Variants in SLC33A1 observed in about 807,000 individuals in gnomAD.
SLC33A1 encodes the protein solute carrier family 33 member 1, also known as acetyl-coenzyme A transporter 1.
In SLC33A1, 20 loss-of-function variants were observed where a neutral mutation model predicts 50.0. That is an observed-to-expected ratio of 0.40 (90% CI 0.28 to 0.58). SLC33A1 has a LOEUF of 0.58. SLC33A1 is among the 20% of genes least tolerant of loss of function. The probability of loss-of-function intolerance (pLI) is 0.44; values close to 1 mark genes in which losing one functional copy is unlikely to be tolerated. For synonymous variants in SLC33A1, 265 were observed against 251.8 expected (o/e 1.05, Z -0.50); for missense variants, 476 against 657.0 (o/e 0.72, Z 3.01).
intron 2 of SLC33A1, among the ~76,000 whole-genome samples, chr3:155,837,186 C>A (rs943633393): frequency 1.3e-5 from 2 of 151,688 alleles, no homozygotes; most frequent in Non-Finnish European, 2.9e-5. Context: ...GAAACCCCGT[C>A]TCTACTAAAA....
At position 155,853,335 on chromosome 3, in the gene SLC33A1, T is replaced by C. The variant is rs1753487381; in HGVS notation, c.663A>G (p.Gln221=). 1 of 1,613,996 alleles carries C rather than the reference T, an allele frequency of 6.2e-7. No individual in the cohort carries two copies. The highest frequency in any genetic ancestry group is 1.1e-5 in the South Asian group (1 of 91,094). ...CATTGCCCAAAAAGTAACCCGCTGT[T>C]TGGCCCACCGAATTGCAAGTAGAAG... ...GYASTCNSVG[Q]TAGYFLGNVL... Residue 221 remains glutamine, a synonymous_variant, in exon 1 of 6, where the codon CAA becomes CAG. Transcript: ENST00000643144.
At chr3:155,841,963 G>GTCTTGAAC (rs1752954858) in intron 2 of SLC33A1, among the ~76,000 whole-genome samples, 1 of 152,002 alleles carries the variant, frequency 6.6e-6, no homozygotes, top group African/African-American at 2.4e-5. Context: ...AGCCAGGCTG[G>GTCTTGAAC]TCTTGAACTC....
chr3:155,836,314 G>A lies in SLC33A1; in HGVS notation c.964-2273C>T, dbSNP rs1476628230. Among the ~76,000 whole-genome samples the A allele has an allele frequency of 9.2e-3, 546 of 59,488 alleles. 2 individuals carry two copies. Among genetic ancestry groups the A allele is most frequent in the African/African-American group, 0.024 (346 of 14,370 alleles). 39.0% of individuals were successfully genotyped at this position (59,488 alleles called of 152,430 possible). A position where few individuals can be genotyped will look rare whatever the true frequency, so the allele number is the denominator to read the frequency against. ...AAAAAAAAAAAAAAAAAAAAAAAAA[G>A]GAAAGAAAGAAAAAAAGAAAGAAAG... On this transcript the variant is annotated intron_variant, in intron 2 of 5. Coordinates refer to ENST00000643144, the MANE Select transcript of SLC33A1 (RefSeq NM_004733.4).
chr3:155,843,122 G>A (rs551068632), intron 1 of SLC33A1: 1 of 152,204 alleles, frequency 6.6e-6, no homozygotes, highest in East Asian at 1.9e-4. Flanking sequence ...ACCCAAAATA[G>A]GTGACAACAA....
At chr3:155,852,985 TTG>T in intron 1 of SLC33A1, 1 of 565,132 alleles carries the variant, frequency 1.8e-6, no homozygotes, top group South Asian at 2.1e-5. Flanking sequence ...CTGGACTCGG[TTG>T]TGTTATTTGA....
Position 155,854,094 on chromosome 3 carries a change from T to C in SLC33A1, c.-97A>G. On this transcript the variant is annotated 5_prime_UTR_variant, in exon 1 of 6. Coordinates refer to ENST00000643144, the MANE Select transcript of SLC33A1 (RefSeq NM_004733.4). ...CCAAGGCTGTCGCGCTGGACCAGGG[T>C]TTCGGTGGTTCACGGGATGGTGGCA... The C allele has an allele frequency of 1.0e-6, 1 of 997,936 alleles. No individual in the cohort carries two copies. The highest frequency in any genetic ancestry group is 1.4e-6 in the Non-Finnish European group (1 of 694,002). 61.8% of individuals were successfully genotyped at this position (997,936 alleles called of 1,614,324 possible). A position where few individuals can be genotyped will look rare whatever the true frequency, so the allele number is the denominator to read the frequency against.
At chr3:155,840,895 G>A (rs972395885) in intron 2 of SLC33A1, among the ~76,000 whole-genome samples, 2 of 152,114 alleles carry the variant, frequency 1.3e-5, no homozygotes, top group African/African-American at 4.8e-5. Context: ...TGAGGCAGGA[G>A]AATCGCTTGA....
chr3:155,836,906 A>G (rs969147886), intron 2 of SLC33A1, among the ~76,000 whole-genome samples: 20 of 152,144 alleles, frequency 1.3e-4, no homozygotes, highest in African/African-American at 4.8e-4. Context: ...AAATCTAAAC[A>G]GAAACAACAA....
intron 1 of SLC33A1, among the ~76,000 whole-genome samples, chr3:155,852,402 C>T (rs368913434): frequency 1.7e-4 from 26 of 152,172 alleles, no homozygotes; most frequent in African/African-American, 6.3e-4. Context: ...ACTTACCCTC[C>T]ATTACTTACA....
chr3:155,843,856 A>G (rs1753019771), intron 1 of SLC33A1, among the ~76,000 whole-genome samples: 1 of 152,242 alleles, frequency 6.6e-6, no homozygotes, highest in Admixed American at 6.5e-5. Flanking sequence ...ATTGCATTTC[A>G]GTTTGCCACT....
chr3:155,848,701 G>A (rs1753278711), intron 1 of SLC33A1, among the ~76,000 whole-genome samples: 1 of 151,982 alleles, frequency 6.6e-6, no homozygotes, highest in African/African-American at 2.4e-5. Flanking sequence ...AAAAAAAGAA[G>A]ATCTAGCAAT....
At chr3:155,834,476 A>G (rs1450988303) in intron 2 of SLC33A1, among the ~76,000 whole-genome samples, 1 of 152,210 alleles carries the variant, frequency 6.6e-6, no homozygotes, top group Non-Finnish European at 1.5e-5. Context: ...CTGACTGACC[A>G]TAATAAAATT....
rs200885656 is a variant in SLC33A1 at position 155,853,710 on chromosome 3, T to G, written c.288A>C (p.Pro96=). Reference sequence around the variant, plus strand: ...TAACATTTTTGCTTTGCAAAATGAGTGGGATGCTTCCCGCCAAGCCCAGGG... The same window carrying G: ...TAACATTTTTGCTTTGCAAAATGAGGGGGATGCTTCCCGCCAAGCCCAGGG... ...GIPLGLAGSI[P]LILQSKNVSY... Residue 96 remains proline (P), a synonymous_variant, in exon 1 of 6, where the codon CCA becomes CCC. Transcript: ENST00000643144. 2.6e-4 allele frequency: 419 copies of G among 1,614,052 alleles called. 1 individual carries two copies. In the Admixed American group the frequency reaches 6.5e-3, roughly 25 times the overall value.
At chr3:155,848,663 C>T (rs548305123) in intron 1 of SLC33A1, among the ~76,000 whole-genome samples, 2 of 152,224 alleles carry the variant, frequency 1.3e-5, no homozygotes, top group Non-Finnish European at 2.9e-5. Flanking sequence ...GCCTGGGCAA[C>T]AAAGTGAGAC....
intron 2 of SLC33A1, among the ~76,000 whole-genome samples, chr3:155,841,341 C>T (rs1452131741): frequency 6.6e-6 from 1 of 152,154 alleles, no homozygotes; most frequent in African/African-American, 2.4e-5. Context: ...CATGAGCCAG[C>T]ACATCTGGCC....
At chr3:155,840,946 C>T (rs947967627) in intron 2 of SLC33A1, among the ~76,000 whole-genome samples, 4 of 152,082 alleles carry the variant, frequency 2.6e-5, no homozygotes, top group African/African-American at 4.8e-5. Flanking sequence ...GATTGTGCCA[C>T]TGCTCCCAGC....
intron 1 of SLC33A1, among the ~76,000 whole-genome samples, chr3:155,844,559 G>A (rs1044392010): frequency 6.5e-5 from 9 of 139,188 alleles, no homozygotes; most frequent in Non-Finnish European, 1.1e-4. Context: ...TCCACCTCTC[G>A]GGTTCAAGTG....
In SLC33A1 at chr3:155,853,655, C is replaced by T. The variant is rs1286230627; in HGVS notation, c.343G>A (p.Val115Ile). 1.2e-6 allele frequency: 2 copies of T among 1,614,178 alleles called. No individual in the cohort carries two copies. Among genetic ancestry groups the T allele is most frequent in the Non-Finnish European group, 1.7e-6 (2 of 1,180,032 alleles). The stretch of plus-strand genomic sequence containing the variant: ...AATTTGAGACTGAAGGGCCAAAAGA[C>T]AAAACTGAAGAAAGCTTGGTCTGTA... ...SYTDQAFFSF[V>I]FWPFSLKLLW... Residue 115 changes from valine (V) to isoleucine (I), a missense_variant, in exon 1 of 6, where the codon GTC becomes ATC. By Grantham distance (29) the Val-to-Ile change is conservative. Coordinates refer to ENST00000643144, the MANE Select transcript of SLC33A1 (RefSeq NM_004733.4).
At chr3:155,834,503 T>C (rs1752574033) in intron 2 of SLC33A1, among the ~76,000 whole-genome samples, 1 of 152,190 alleles carries the variant, frequency 6.6e-6, no homozygotes, top group South Asian at 2.1e-4. Flanking sequence ...GTTCATCTAA[T>C]GTTTCAAAAG....
Sources: gnomAD v4.1 joint callset for allele counts (sites outside exome capture counted in the v4.1 genomes callset) on GRCh38, gnomAD v4.1.1 for gene constraint, MANE v1.5 for transcripts, NCBI Gene and HGNC (gene_info 2026-07-23, HGNC 2026-07-21) for gene names.